LARGE1: variants seen among roughly 807,000 people sequenced by gnomAD.
The protein encoded by LARGE1 is LARGE xylosyl- and glucuronyltransferase 1.
In LARGE1, 43 loss-of-function variants were observed where a neutral mutation model predicts 87.6. The observed-to-expected ratio is 0.49, with a 90% confidence interval of 0.38 to 0.63. The LOEUF (loss-of-function observed/expected upper bound fraction) is 0.63, where lower values mean the gene tolerates loss of function less well. Among genes scored for constraint, LARGE1 ranks in the 30% least tolerant of loss-of-function variants. LARGE1 has a pLI of 0.00. For synonymous variants in LARGE1, 434 were observed against 394.6 expected (o/e 1.10, Z -1.18); for missense variants, 802 against 1,000.2 (o/e 0.80, Z 2.67).
At chr22:33,785,052 CATGTGTATATAGATAT>C (rs1569445698) in intron 1 of LARGE1, among the ~76,000 whole-genome samples, 3 of 145,654 alleles carry the variant, frequency 2.1e-5, no homozygotes, top group Non-Finnish European at 4.5e-5. Flanking sequence ...TGTATACATA[CATGTGTATATAGATAT>C]ATGTGTATAC....
the LARGE1 span, among the ~76,000 whole-genome samples, chr22:33,094,198 A>G: frequency 9.1e-4 from 138 of 152,246 alleles, no homozygotes; most frequent in Middle Eastern, 3.4e-3. Context: ...CCATTTCGAT[A>G]TGGGAGCTAA....
intron 1 of LARGE1, among the ~76,000 whole-genome samples, chr22:33,897,362 A>G (rs1020889077): frequency 2.4e-4 from 37 of 152,322 alleles, no homozygotes; most frequent in Admixed American, 1.7e-3. Context: ...GTGGTCTACA[A>G]AGATAAAAGT....
chr22:33,240,908 A>G (rs1039835967), intron 11 of LARGE1, among the ~76,000 whole-genome samples: 30 of 152,090 alleles, frequency 2.0e-4, no homozygotes, highest in African/African-American at 7.2e-4. Context: ...CATCAATACT[A>G]TTTCTTGCTT....
chr22:33,803,910 A>G (rs1252862234), intron 1 of LARGE1, among the ~76,000 whole-genome samples: 2 of 152,228 alleles, frequency 1.3e-5, no homozygotes, highest in East Asian at 3.9e-4. Flanking sequence ...ACCCAGTCTT[A>G]TCGGGTCTGA....
At chr22:33,348,425 A>T (rs1020955381) in intron 9 of LARGE1, among the ~76,000 whole-genome samples, 1 of 152,046 alleles carries the variant, frequency 6.6e-6, no homozygotes, top group African/African-American at 2.4e-5. Flanking sequence ...CTATTTTCCA[A>T]CCTCTTAAAA....
chr22:33,352,751 G>A (rs987913867), intron 9 of LARGE1, among the ~76,000 whole-genome samples: 1 of 152,124 alleles, frequency 6.6e-6, no homozygotes, highest in Admixed American at 6.5e-5. Flanking sequence ...GACAGAGCAA[G>A]ACTCCATTCC....
At chr22:33,386,040 G>C (rs1400835756) in intron 7 of LARGE1, among the ~76,000 whole-genome samples, 2 of 148,682 alleles carry the variant, frequency 1.3e-5, no homozygotes, top group African/African-American at 2.4e-5. Context: ...AAAAAAAATA[G>C]TATCTATATG....
chr22:33,291,003 C>A (rs1261840076), intron 12 of LARGE1, among the ~76,000 whole-genome samples: 1 of 151,358 alleles, frequency 6.6e-6, no homozygotes, highest in Admixed American at 6.6e-5. Flanking sequence ...TGCACCACTG[C>A]ACTCCAGCCT....
intron 6 of LARGE1, among the ~76,000 whole-genome samples, chr22:33,513,904 C>T (rs1366757316): frequency 6.6e-6 from 1 of 151,256 alleles, no homozygotes. Context: ...GTGTTGTGGT[C>T]CCATAAGATT....
At chr22:33,688,238 G>T (rs1458364409) in intron 2 of LARGE1, among the ~76,000 whole-genome samples, 1 of 152,210 alleles carries the variant, frequency 6.6e-6, no homozygotes, top group Admixed American at 6.5e-5. Flanking sequence ...GATTAAATGG[G>T]TGAGTACTAA....
At chr22:33,144,286 G>C in the LARGE1 span, among the ~76,000 whole-genome samples, 1 of 152,084 alleles carries the variant, frequency 6.6e-6, no homozygotes, top group Non-Finnish European at 1.5e-5. Context: ...TACTTTCAAG[G>C]TGTAATTGAT....
the LARGE1 span, among the ~76,000 whole-genome samples, chr22:33,111,335 C>T: frequency 1.3e-5 from 2 of 152,102 alleles, no homozygotes; most frequent in African/African-American, 4.8e-5. Flanking sequence ...TAGGACTGGC[C>T]CCAGCTAACC....
chr22:33,836,576 C>G (rs1187812782), intron 1 of LARGE1, among the ~76,000 whole-genome samples: 1 of 152,146 alleles, frequency 6.6e-6, no homozygotes. Context: ...AATGTTCCCT[C>G]TGTTCCCACC....
chr22:33,735,372 G>C (rs1826008680), intron 2 of LARGE1, among the ~76,000 whole-genome samples: 2 of 152,160 alleles, frequency 1.3e-5, no homozygotes, highest in Non-Finnish European at 2.9e-5. Flanking sequence ...TGCACTCCCT[G>C]GGTGTCCCCC....
intron 3 of LARGE1, among the ~76,000 whole-genome samples, chr22:33,644,157 C>A (rs985812289): frequency 5.9e-5 from 9 of 152,130 alleles, no homozygotes; most frequent in African/African-American, 2.2e-4. Flanking sequence ...ATGTGAAAAT[C>A]CTCGGTAAAA....
intron 2 of LARGE1, among the ~76,000 whole-genome samples, chr22:33,742,680 T>A (rs2083930539): frequency 6.6e-6 from 1 of 152,238 alleles, no homozygotes; most frequent in African/African-American, 2.4e-5. Flanking sequence ...ATGCTTCAGC[T>A]TTACTTCAAC....
intron 6 of LARGE1, among the ~76,000 whole-genome samples, chr22:33,538,383 G>T (rs764819417): frequency 1.3e-5 from 2 of 152,056 alleles, no homozygotes; most frequent in Admixed American, 1.3e-4. Flanking sequence ...TCTTTCTTGC[G>T]CATTCTTTAG....
At chr22:33,128,680 C>CAAAAAAAAAAAAAAAAAAAAA in the LARGE1 span, among the ~76,000 whole-genome samples, 3 of 110,312 alleles carry the variant, frequency 2.7e-5, no homozygotes, top group Non-Finnish European at 5.5e-5. Flanking sequence ...GTCTCAAAAA[C>CAAAAAAAAAAAAAAAAAAAAA]AAAAAAAAAA....
At chr22:33,288,851 C>A (rs370109287) in intron 12 of LARGE1, among the ~76,000 whole-genome samples, 5 of 152,308 alleles carry the variant, frequency 3.3e-5, no homozygotes, top group African/African-American at 9.6e-5. Context: ...CAGCTCCAGT[C>A]CCTGCCTATG....
Sources: gnomAD v4.1 joint callset for allele counts (sites outside exome capture counted in the v4.1 genomes callset) on GRCh38, gnomAD v4.1.1 for gene constraint, MANE v1.5 for transcripts, NCBI Gene and HGNC (gene_info 2026-07-23, HGNC 2026-07-21) for gene names.